The following FBXL17 variants were observed in gnomAD, a reference collection of about 807,000 sequenced individuals.
FBXL17 encodes the protein F-box and leucine rich repeat protein 17.
A neutral mutation model predicts 66.2 loss-of-function variants in FBXL17; 22 were observed. That is an observed-to-expected ratio of 0.33 (90% CI 0.24 to 0.47). The LOEUF (loss-of-function observed/expected upper bound fraction) is 0.47. Ranked by LOEUF, FBXL17 falls within the 20% of genes least tolerant of loss-of-function variation. The pLI, the probability that FBXL17 is intolerant of heterozygous loss-of-function variation, is 1.00. For missense variants in FBXL17, 878 were observed against 948.2 expected (o/e 0.93, Z 0.97); for synonymous variants, 474 against 400.5 (o/e 1.18, Z -2.19).
intron 4 of FBXL17, among the ~76,000 whole-genome samples, chr5:108,346,918 T>A (rs916542910): frequency 1.3e-5 from 2 of 152,136 alleles, no homozygotes; most frequent in East Asian, 3.8e-4. Context: ...AGAATGACTA[T>A]TACATAAAAA....
At chr5:107,861,895 G>T in intron 8 of FBXL17, 35 bp from the exon 9 acceptor site, 1 of 1,459,830 alleles carries the variant, frequency 6.9e-7, no homozygotes. Context: ...CACGCACAGA[G>T]ACCACCAACA....
intron 7 of FBXL17, among the ~76,000 whole-genome samples, chr5:107,937,760 A>G (rs1750961603): frequency 6.6e-6 from 1 of 152,104 alleles, no homozygotes; most frequent in Non-Finnish European, 1.5e-5. Flanking sequence ...ACTTGCCCCC[A>G]TCGGCAGAAT....
In FBXL17 at chr5:108,338,663, A is replaced by G. The variant is rs982815592; in HGVS notation, c.1506+9736T>C. Among the ~76,000 whole-genome samples, 12 of 152,012 alleles carry G rather than the reference A, an allele frequency of 7.9e-5. No homozygotes were observed. The East Asian group carries it at 9.6e-4, about 12-fold the overall frequency. ...AAGATGCAAGAGAAGAAGGGTTGGG[A>G]AAAAAAAGTATCGAAACAGTATGGA... On this transcript the variant is annotated intron_variant, in intron 4 of 8. Coordinates refer to ENST00000542267, the MANE Select transcript of FBXL17 (RefSeq NM_001163315.3).
intron 4 of FBXL17, among the ~76,000 whole-genome samples, chr5:108,304,088 C>T (rs1044406937): frequency 2.0e-5 from 3 of 151,794 alleles, no homozygotes; most frequent in African/African-American, 7.3e-5. Flanking sequence ...ACATGTGTCT[C>T]CACCCATTTT....
intron 7 of FBXL17, among the ~76,000 whole-genome samples, chr5:107,901,980 A>G (rs1214161384): frequency 6.6e-6 from 1 of 152,192 alleles, no homozygotes; most frequent in East Asian, 1.9e-4. Context: ...TTCAAGAGAG[A>G]CTTGAAATAG....
intron 4 of FBXL17, among the ~76,000 whole-genome samples, chr5:108,296,607 AGGAATGGAGAGAAGTACCAG>A (rs1758359934): frequency 6.6e-6 from 1 of 151,828 alleles, no homozygotes; most frequent in Admixed American, 6.6e-5. Flanking sequence ...CTTTGATGTC[AGGAATGGAGAGAAGTACCAG>A]TTGCCTTCTA....
intron 4 of FBXL17, among the ~76,000 whole-genome samples, chr5:108,271,093 A>C (rs1340956699): frequency 6.6e-6 from 1 of 152,118 alleles, no homozygotes; most frequent in African/African-American, 2.4e-5. Flanking sequence ...AATGCAAAAA[A>C]AAAAAAGAAA....
At chr5:108,001,735 C>T (rs866636661) in intron 7 of FBXL17, among the ~76,000 whole-genome samples, 8 of 151,958 alleles carry the variant, frequency 5.3e-5, no homozygotes, top group South Asian at 4.1e-4. Flanking sequence ...CTCCTGACCT[C>T]GTGATCCGCC....
intron 7 of FBXL17, among the ~76,000 whole-genome samples, chr5:107,979,433 C>T (rs930948145): frequency 1.3e-4 from 20 of 152,152 alleles, no homozygotes; most frequent in Non-Finnish European, 2.9e-5. Flanking sequence ...AGTAAACATC[C>T]ACCTACCCAT....
intron 4 of FBXL17, among the ~76,000 whole-genome samples, chr5:108,227,258 G>C (rs916024332): frequency 2.0e-5 from 3 of 152,138 alleles, no homozygotes; most frequent in Non-Finnish European, 4.4e-5. Context: ...GTGCTTCAAA[G>C]AAGTTACACT....
chr5:108,280,947 G>C (rs1186214797), intron 4 of FBXL17, among the ~76,000 whole-genome samples: 2 of 151,488 alleles, frequency 1.3e-5, no homozygotes, highest in East Asian at 3.9e-4. Context: ...AATAATAAAG[G>C]AATCAATTCA....
At chr5:107,992,608 C>A (rs772309157) in intron 7 of FBXL17, among the ~76,000 whole-genome samples, 2 of 152,140 alleles carry the variant, frequency 1.3e-5, no homozygotes, top group Non-Finnish European at 2.9e-5. Flanking sequence ...TAAGTAAGTT[C>A]TATGTGTGCT....
At chr5:108,129,801 G>GT (rs1298005655) in intron 6 of FBXL17, among the ~76,000 whole-genome samples, 4 of 151,798 alleles carry the variant, frequency 2.6e-5, no homozygotes, top group Non-Finnish European at 4.4e-5. Context: ...TTATTGGCAG[G>GT]TAAACTAAGA....
At chr5:108,135,321 G>C (rs772406504) in intron 6 of FBXL17, among the ~76,000 whole-genome samples, 1 of 152,090 alleles carries the variant, frequency 6.6e-6, no homozygotes, top group Non-Finnish European at 1.5e-5. Flanking sequence ...ATACGAACTA[G>C]GAGTGAAGGT....
In FBXL17 at chr5:107,904,984, A is replaced by G. The variant is rs183810844; in HGVS notation, c.1823-23805T>C. On this transcript the variant is annotated intron_variant, in intron 7 of 8. Transcript: ENST00000542267. Reference sequence around the variant, plus strand: ...AGCAGAGGGAAGAGGAGGGAAGAGGAAAGGAAGATCCCAAATAAGTGAGAT... The same window carrying G: ...AGCAGAGGGAAGAGGAGGGAAGAGGGAAGGAAGATCCCAAATAAGTGAGAT... 1.7e-3 allele frequency among the ~76,000 whole-genome samples: 258 copies of G among 152,110 alleles called. 1 individual carries two copies. The highest frequency in any genetic ancestry group is 6.0e-3 in the African/African-American group (251 of 41,546).
intron 6 of FBXL17, among the ~76,000 whole-genome samples, chr5:108,149,032 G>A (rs1751667898): frequency 6.6e-6 from 1 of 152,094 alleles, no homozygotes; most frequent in Non-Finnish European, 1.5e-5. Flanking sequence ...TGCAAGACAA[G>A]TTATTTTGTC....
intron 6 of FBXL17, among the ~76,000 whole-genome samples, chr5:108,048,067 G>A (rs756841683): frequency 1.3e-5 from 2 of 152,160 alleles, no homozygotes; most frequent in Non-Finnish European, 2.9e-5. Flanking sequence ...GTCCCTCAAG[G>A]TCAGAGATCC....
At chr5:108,285,337 T>TA (rs1231686569) in intron 4 of FBXL17, among the ~76,000 whole-genome samples, 5 of 151,952 alleles carry the variant, frequency 3.3e-5, no homozygotes, top group Admixed American at 2.6e-4. Context: ...TGAATGTTCT[T>TA]AATGGCATCT....
At chr5:108,002,289 G>T (rs971407574) in intron 7 of FBXL17, among the ~76,000 whole-genome samples, 2 of 149,060 alleles carry the variant, frequency 1.3e-5, no homozygotes, top group South Asian at 4.2e-4. Context: ...CTCCCAAAAT[G>T]CTGGGATTAC....
Sources: gnomAD v4.1 joint callset for allele counts (sites outside exome capture counted in the v4.1 genomes callset) on GRCh38, gnomAD v4.1.1 for gene constraint, MANE v1.5 for transcripts, NCBI Gene and HGNC (gene_info 2026-07-23, HGNC 2026-07-21) for gene names.